Variants in SEC23A observed in about 807,000 individuals in gnomAD.
SEC23A encodes the protein protein transport protein Sec23A.
SEC23A carries 56 observed loss-of-function variants against 103.7 expected under a neutral mutation model. That is an observed-to-expected ratio of 0.54 (90% CI 0.44 to 0.67). The LOEUF (loss-of-function observed/expected upper bound fraction) is 0.67, where lower values mean the gene tolerates loss of function less well. Among genes scored for constraint, SEC23A ranks in the 30% least tolerant of loss-of-function variants. SEC23A has a pLI of 0.00. For synonymous variants in SEC23A, 281 were observed against 293.0 expected (o/e 0.96, Z 0.42); for missense variants, 784 against 936.4 (o/e 0.84, Z 2.12).
At chr14:39,078,762 T>C (rs1165174320) in intron 7 of SEC23A, among the ~76,000 whole-genome samples, 1 of 152,016 alleles carries the variant, frequency 6.6e-6, no homozygotes, top group Non-Finnish European at 1.5e-5. Flanking sequence ...GCTAGAAATA[T>C]GGGAAACAAA....
intron 13 of SEC23A, 22 bp downstream of exon 13, chr14:39,061,743 A>C (rs773658177): frequency 6.5e-7 from 1 of 1,544,184 alleles, no homozygotes; most frequent in African/African-American, 1.4e-5. Flanking sequence ...TGAAAATCAA[A>C]TCTCTAACAA....
intron 9 of SEC23A, among the ~76,000 whole-genome samples, chr14:39,068,348 T>C (rs1886742573): frequency 6.6e-6 from 1 of 152,176 alleles, no homozygotes; most frequent in African/African-American, 2.4e-5. Flanking sequence ...AAATTATATA[T>C]GGATTTCCTC....
At chr14:39,069,324 C>T (rs1476369039) in intron 9 of SEC23A, among the ~76,000 whole-genome samples, 1 of 152,150 alleles carries the variant, frequency 6.6e-6, no homozygotes, top group Admixed American at 6.5e-5. Flanking sequence ...CTCTCCAACG[C>T]CTTCCCATCT....
chr14:39,035,989 G>A (rs1339553493), intron 19 of SEC23A, among the ~76,000 whole-genome samples: 1 of 151,946 alleles, frequency 6.6e-6, no homozygotes, highest in East Asian at 1.9e-4. Context: ...AGGTGACTGG[G>A]TCATAAGGGT....
chr14:39,083,078 A>G (rs941594698), intron 7 of SEC23A, among the ~76,000 whole-genome samples: 2 of 152,186 alleles, frequency 1.3e-5, no homozygotes, highest in African/African-American at 4.8e-5. Context: ...TTGTGGTTAT[A>G]TAGGAGATTA....
At chr14:39,099,671 T>C (rs933392318) in intron 1 of SEC23A, among the ~76,000 whole-genome samples, 2 of 152,192 alleles carry the variant, frequency 1.3e-5, no homozygotes, top group African/African-American at 4.8e-5. Flanking sequence ...CATGGGTAGA[T>C]GATCCATTCA....
At position 39,038,993 on chromosome 14, in the gene SEC23A, C is replaced by CA. The variant is rs771984757; in HGVS notation, c.2208+37dup. On this transcript the variant is annotated intron_variant, in intron 19 of 19. Transcript: ENST00000307712. ...ACTAAAATAATAAACAATAAATACA[C>CA]AAAGAAATAATTTCCAAGACCTGCT... 4 of 1,516,790 alleles carry CA rather than the reference C, an allele frequency of 2.6e-6. No individual in the cohort carries two copies. The African/African-American group carries it at 5.5e-5, about 21-fold the overall frequency. The allele number at this position is 1,516,790 out of a possible 1,614,324, so 94.0% of individuals were successfully genotyped here. A position where few individuals can be genotyped will look rare whatever the true frequency, so the allele number is the denominator to read the frequency against.
At position 39,067,185 on chromosome 14, in the gene SEC23A, C is replaced by A. The variant is rs140246467; in HGVS notation, c.1215G>T (p.Thr405=). ...TTTTGGTTCTTACCTTTATTTCTAGCGTACCACCAAAGCCCATTTTAAACT... is the reference window on the plus strand; with the variant it reads ...TTTTGGTTCTTACCTTTATTTCTAGAGTACCACCAAAGCCCATTTTAAACT... ...HGQFKMGFGG[T]LEIKTSREIK... The change falls in exon 10 of 20, where the codon ACG becomes ACT. Residue 405 remains threonine (T), a synonymous_variant. Transcript: ENST00000307712. 4.3e-6 allele frequency: 7 copies of A among 1,613,600 alleles called. No homozygotes were observed. Among genetic ancestry groups the A allele is most frequent in the Non-Finnish European group, 5.9e-6 (7 of 1,179,862 alleles).
chr14:39,071,944 G>T (rs1886853790), intron 9 of SEC23A, among the ~76,000 whole-genome samples: 1 of 151,980 alleles, frequency 6.6e-6, no homozygotes, highest in Non-Finnish European at 1.5e-5. Context: ...CATCAAGAAT[G>T]TGAGGGAGGC....
At chr14:39,035,112 G>A (rs1040509191) in intron 19 of SEC23A, among the ~76,000 whole-genome samples, 1 of 152,094 alleles carries the variant, frequency 6.6e-6, no homozygotes, top group Non-Finnish European at 1.5e-5. Flanking sequence ...ACATGATCTT[G>A]CATAAAATAC....
At chr14:39,072,876 C>T (rs1886886250) in intron 9 of SEC23A, among the ~76,000 whole-genome samples, 1 of 152,134 alleles carries the variant, frequency 6.6e-6, no homozygotes. Context: ...AACTGGAATC[C>T]TCATACTTTG....
chr14:39,094,347 CATATAT>C (rs1445048255), intron 2 of SEC23A, among the ~76,000 whole-genome samples: 3 of 55,242 alleles, frequency 5.4e-5, no homozygotes, highest in African/African-American at 1.4e-4. Context: ...CATATATATG[CATATAT>C]ACACATATAC....
intron 18 of SEC23A, 160 bp downstream of exon 18, chr14:39,040,572 A>C (rs1885604486): frequency 1.2e-6 from 1 of 863,034 alleles, no homozygotes; most frequent in South Asian, 1.5e-5. Context: ...TTTTGCTCTC[A>C]AAAGCTAATG....
At chr14:39,052,335 A>T (rs1325303213) in intron 14 of SEC23A, among the ~76,000 whole-genome samples, 1 of 152,208 alleles carries the variant, frequency 6.6e-6, no homozygotes, top group Non-Finnish European at 1.5e-5. Context: ...ATTAAAAAAC[A>T]ATCTCAAAAT....
intron 5 of SEC23A, chr14:39,088,073 T>C (rs906714373): frequency 2.6e-5 from 4 of 152,290 alleles, no homozygotes; most frequent in Non-Finnish European, 1.5e-5. Flanking sequence ...ATAGGTAGTT[T>C]ATTCCTTTCT....
intron 19 of SEC23A, among the ~76,000 whole-genome samples, chr14:39,036,425 T>A (rs188812618): frequency 6.6e-6 from 1 of 151,846 alleles, no homozygotes; most frequent in Admixed American, 6.6e-5. Context: ...GTTTTATTAA[T>A]CTTCAGTTGA....
At chr14:39,039,422 A>T in intron 18 of SEC23A, 1 of 261,458 alleles carries the variant, frequency 3.8e-6, no homozygotes, top group East Asian at 9.0e-5. Flanking sequence ...AGAAGTTCAA[A>T]ATCCCAAATA....
At chr14:39,069,754 G>A (rs7156098) in intron 9 of SEC23A, among the ~76,000 whole-genome samples, 10,025 of 152,170 alleles carry the variant, frequency 0.066, 1,104 homozygotes, top group African/African-American at 0.23. Flanking sequence ...GAGCCACAGC[G>A]CCTGGCCCCA....
intron 9 of SEC23A, among the ~76,000 whole-genome samples, chr14:39,070,856 G>A (rs184774504): frequency 5.9e-5 from 9 of 152,166 alleles, no homozygotes; most frequent in East Asian, 5.8e-4. Flanking sequence ...GTGAAACCCC[G>A]TCTCTACTAA....
Sources: gnomAD v4.1 joint callset for allele counts (sites outside exome capture counted in the v4.1 genomes callset) on GRCh38, gnomAD v4.1.1 for gene constraint, MANE v1.5 for transcripts, NCBI Gene and HGNC (gene_info 2026-07-23, HGNC 2026-07-21) for gene names.